The following MYO5C variants were observed in gnomAD, a reference collection of about 807,000 sequenced individuals.
MYO5C encodes unconventional myosin-Vc.
In MYO5C, 194 loss-of-function variants were observed where a neutral mutation model predicts 235.7. That is an observed-to-expected ratio of 0.82 (90% CI 0.73 to 0.93). The LOEUF (loss-of-function observed/expected upper bound fraction) is 0.93, where lower values mean the gene tolerates loss of function less well. MYO5C is among the 40% of genes least tolerant of loss of function. MYO5C has a pLI of 0.00. For missense variants in MYO5C, 2,038 were observed against 2,127.2 expected (o/e 0.96, Z 0.82); for synonymous variants, 707 against 754.8 (o/e 0.94, Z 1.04).
Position 52,204,981 on chromosome 15 carries a change from G to A in MYO5C, c.4704C>T (p.Asp1568=), listed in dbSNP as rs2035273112. 6.2e-7 allele frequency: 1 copy of A among 1,614,114 alleles called. No individual in the cohort carries two copies. The highest frequency in any genetic ancestry group is 1.7e-5 in the Admixed American group (1 of 60,014). Residue 1568 remains aspartate, a synonymous_variant, in exon 38 of 41, where the codon GAC becomes GAT. Coordinates refer to ENST00000261839, the MANE Select transcript of MYO5C (RefSeq NM_018728.4). ...TCACCGCCTGCCTCACAAGCTCGGG[G>A]TCCAGGCCGTTCTGGCACATGGTGG... is the stretch of plus-strand genomic sequence containing the variant. ...FYTTMCQNGL[D]PELVRQAVKQ...
intron 10 of MYO5C, among the ~76,000 whole-genome samples, chr15:52,259,228 G>A (rs1472166540): frequency 1.3e-5 from 2 of 152,066 alleles, no homozygotes; most frequent in Non-Finnish European, 2.9e-5. Context: ...AGACCATCCT[G>A]GCTAATACGG....
intron 13 of MYO5C, among the ~76,000 whole-genome samples, chr15:52,249,339 G>A (rs183987483): frequency 2.6e-5 from 4 of 152,226 alleles, no homozygotes; most frequent in Admixed American, 1.3e-4. Flanking sequence ...TGATGAAGAA[G>A]GCTTCTCGAA....
At chr15:52,268,350 G>C (rs547933759) in intron 8 of MYO5C, among the ~76,000 whole-genome samples, 8 of 152,186 alleles carry the variant, frequency 5.3e-5, no homozygotes, top group Non-Finnish European at 1.2e-4. Context: ...AGATCACGAG[G>C]TCAGGAGATT....
chr15:52,195,148 A>C (rs560619270), intron 40 of MYO5C, among the ~76,000 whole-genome samples: 1 of 152,346 alleles, frequency 6.6e-6, no homozygotes, highest in African/African-American at 2.4e-5. Context: ...GACAGAATAC[A>C]GCACGGGAGA....
intron 1 of MYO5C, among the ~76,000 whole-genome samples, chr15:52,285,564 G>A (rs567348912): frequency 1.7e-4 from 26 of 152,096 alleles, no homozygotes; most frequent in African/African-American, 5.1e-4. Flanking sequence ...CTGCCATCTC[G>A]GCTCACTGCA....
intron 38 of MYO5C, 41 bp downstream of exon 38, chr15:52,204,824 C>T (rs772802901): frequency 3.8e-6 from 6 of 1,598,922 alleles, no homozygotes; most frequent in East Asian, 2.2e-5. Context: ...AGCATCCTTT[C>T]TGCAGGCCTC....
chr15:52,224,218 G>A (rs1221462779), intron 28 of MYO5C, among the ~76,000 whole-genome samples: 1 of 152,236 alleles, frequency 6.6e-6, no homozygotes, highest in Non-Finnish European at 1.5e-5. Flanking sequence ...TGGAGGTGGA[G>A]GTTGCGGTGA....
rs1485687393 is a variant in MYO5C, at chr15:52,193,299, G to T, written c.*603C>A. 1 of 118,592 alleles carries T rather than the reference G, an allele frequency of 8.4e-6. No individual in the cohort carries two copies. The highest frequency in any genetic ancestry group is 1.8e-5 in the Non-Finnish European group (1 of 56,786). The allele number at this position is 118,592 out of a possible 1,614,324, so 7.3% of individuals were successfully genotyped here. A position where few individuals can be genotyped will look rare whatever the true frequency, so the allele number is the denominator to read the frequency against. On this transcript the variant is annotated 3_prime_UTR_variant, in exon 41 of 41. Coordinates refer to ENST00000261839, the MANE Select transcript of MYO5C (RefSeq NM_018728.4). ...CTACACTCCAGCCTGGCGATAGAGC[G>T]AGACTCCGGAGTCTCAAAAAAAAAA...
intron 9 of MYO5C, 89 bp downstream of exon 9, chr15:52,264,101 T>C: frequency 1.0e-6 from 1 of 956,336 alleles, no homozygotes; most frequent in Non-Finnish European, 1.6e-6. Flanking sequence ...CGACTATATC[T>C]GGTGCTAAAA....
chr15:52,194,072 G>A lies in MYO5C; in HGVS notation c.5077-18C>T, dbSNP rs1449004368. ...AGGAGAGCCTGAAATTAGAATCAGA[G>A]GAAAAATGAGTAAGGAAACTAACAT... is the stretch of plus-strand genomic sequence containing the variant. On this transcript the variant is annotated intron_variant, in intron 40 of 40. Transcript: ENST00000261839. The A allele has an allele frequency of 3.7e-6, 6 of 1,600,742 alleles. No homozygotes were observed. Among genetic ancestry groups the A allele is most frequent in the Admixed American group, 3.5e-5 (2 of 56,478 alleles).
intron 4 of MYO5C, 33 bp from the exon 5 acceptor site, chr15:52,275,751 T>A: frequency 6.2e-7 from 1 of 1,609,376 alleles, no homozygotes; most frequent in Middle Eastern, 1.7e-4. Context: ...AATATTAGTT[T>A]CTTCCCATTA....
At chr15:52,217,090 G>A (rs2035572252) in intron 32 of MYO5C, among the ~76,000 whole-genome samples, 1 of 152,222 alleles carries the variant, frequency 6.6e-6, no homozygotes, top group Non-Finnish European at 1.5e-5. Context: ...GTGGTCATTT[G>A]TTACAGCAGC....
intron 14 of MYO5C, among the ~76,000 whole-genome samples, chr15:52,248,236 A>G (rs940045266): frequency 1.3e-5 from 2 of 152,120 alleles, no homozygotes; most frequent in African/African-American, 4.8e-5. Context: ...TCTATCTCCC[A>G]GGGCCAAGCA....
Position 52,213,148 on chromosome 15 carries a change from C to G in MYO5C, c.4141+40G>C, listed in dbSNP as rs375023272. The G allele has an allele frequency of 2.4e-4, 377 of 1,547,740 alleles. 2 individuals carry two copies. Among genetic ancestry groups the G allele is most frequent in the Non-Finnish European group, 3.0e-4 (335 of 1,120,232 alleles). On this transcript the variant is annotated intron_variant, in intron 34 of 40. Transcript: ENST00000261839. The stretch of plus-strand genomic sequence containing the variant: ...TGGCACTGACTGATATGCAAGTTCT[C>G]AAAGAGAAAGCAAAAATCCAGAGTT...
At position 52,291,731 on chromosome 15, in the gene MYO5C, G is replaced by GTTTTTTTTTTTTTTTTTTTTTTTTTTTTT. The variant is rs1196328559; in HGVS notation, c.27+3878_27+3879insAAAAAAAAAAAAAAAAAAAAAAAAAAAAA. On this transcript the variant is annotated intron_variant, in intron 1 of 40. Transcript: ENST00000261839. ...TTTTTTCTTTGTTTGCATATTTTAT[G>GTTTTTTTTTTTTTTTTTTTTTTTTTTTTT]TTTTTTTTTTTTTTTTTTTTTTTTT... Among the ~76,000 whole-genome samples, 31 of 52,552 alleles carry GTTTTTTTTTTTTTTTTTTTTTTTTTTTTT rather than the reference G, an allele frequency of 5.9e-4. 10 individuals are homozygous for GTTTTTTTTTTTTTTTTTTTTTTTTTTTTT. The highest frequency in any genetic ancestry group is 9.1e-4 in the African/African-American group (11 of 12,048). 34.5% of individuals were successfully genotyped at this position (52,552 alleles called of 152,430 possible).
At position 52,195,448 on chromosome 15, in the gene MYO5C, T is replaced by C; in HGVS notation, c.5005A>G (p.Ile1669Val). The C allele has an allele frequency of 1.9e-6, 3 of 1,610,116 alleles. No individual in the cohort carries two copies. Among genetic ancestry groups the C allele is most frequent in the Non-Finnish European group, 2.5e-6 (3 of 1,177,316 alleles). The change falls in exon 40 of 41, where the codon ATC becomes GTC. Residue 1669 changes from isoleucine (I) to valine (V), a missense_variant. Ile to Val is a conservative substitution (Grantham distance 29). Transcript: ENST00000261839. Reference sequence around the variant, plus strand: ...TCTATAGGTGTGTATGAATTAAGGATCTTTATGATCTGCAAACGGTACATA... The same window carrying C: ...TCTATAGGTGTGTATGAATTAAGGACCTTTATGATCTGCAAACGGTACATA... The part of the protein sequence containing the change: ...TSLSAVQIIK[I>V]LNSYTPIDDF...
intron 1 of MYO5C, among the ~76,000 whole-genome samples, chr15:52,283,327 A>T (rs1466736007): frequency 2.6e-5 from 4 of 152,228 alleles, no homozygotes. Context: ...GTTCCCTGGG[A>T]GGTTAAATTA....
rs2035272428 is a variant in MYO5C at position 52,204,965 on chromosome 15, G to C, written c.4720C>G (p.Gln1574Glu). 2 of 1,614,242 alleles carry C rather than the reference G, an allele frequency of 1.2e-6. No individual in the cohort carries two copies. The highest frequency in any genetic ancestry group is 1.6e-4 in the Middle Eastern group (1 of 6,062). Reference protein sequence around the residue: ...QNGLDPELVRQAVKQLFFLIG... With the variant: ...QNGLDPELVREAVKQLFFLIG... The stretch of plus-strand genomic sequence containing the variant: ...AAGAAGAAGAGCTGCTTCACCGCCT[G>C]CCTCACAAGCTCGGGGTCCAGGCCG... Residue 1574 changes from glutamine to glutamate, a missense_variant, in exon 38 of 41, where the codon CAG becomes GAG. Coordinates refer to ENST00000261839, the MANE Select transcript of MYO5C (RefSeq NM_018728.4).
rs149153057 is a variant in MYO5C, at chr15:52,241,747, T to A, written c.2556+301A>T. On this transcript the variant is annotated intron_variant, in intron 20 of 40. Transcript: ENST00000261839. ...TGCAACTGGTGTGTGTGTGTGTGTG[T>A]GTGTGAGAGAGAGAGACAGGGTCTC... Among the ~76,000 whole-genome samples, 61 of 148,180 alleles carry A rather than the reference T, an allele frequency of 4.1e-4. No individual in the cohort carries two copies. The Middle Eastern group carries it at 0.011, about 26-fold the overall frequency.
Sources: allele counts gnomAD v4.1 joint callset (sites outside exome capture counted in the v4.1 genomes callset), GRCh38; gene constraint gnomAD v4.1.1; transcripts MANE v1.5; gene names NCBI Gene and HGNC (gene_info 2026-07-23, HGNC 2026-07-21).